The following MESP1 variants were observed in gnomAD, a reference collection of about 807,000 sequenced individuals.
MESP1 encodes the protein mesoderm posterior protein 1.
A neutral mutation model predicts 15.2 loss-of-function variants in MESP1; 22 were observed. The ratio of observed to expected loss-of-function variants is 1.45; its 90% CI spans 1.04 to 2.07. The LOEUF (loss-of-function observed/expected upper bound fraction) is 2.07, where lower values mean the gene tolerates loss of function less well. MESP1 is among the 30% of genes most tolerant of loss of function. The pLI, the probability that MESP1 is intolerant of heterozygous loss-of-function variation, is 0.00. For synonymous variants in MESP1, 216 were observed against 192.6 expected (o/e 1.12, Z -1.01); for missense variants, 484 against 411.9 (o/e 1.17, Z -1.51).
chr15:89,745,052 G>A (rs1391547302), downstream of MESP1, among the ~76,000 whole-genome samples: 1 of 152,198 alleles, frequency 6.6e-6, no homozygotes, highest in African/African-American at 2.4e-5. The surrounding 1 kb of genome is among the most constrained non-coding windows in gnomAD (Gnocchi z 4.8). Context: ...AAGGGGAAGA[G>A]CTCTCTGGGG....
At chr15:89,735,084 G>A in the MESP1 span, among the ~76,000 whole-genome samples, 2 of 144,338 alleles carry the variant, frequency 1.4e-5, no homozygotes, top group South Asian at 4.5e-4. Flanking sequence ...GTCTCACTCT[G>A]TAGCCCAGGC....
At chr15:89,739,084 C>A in the MESP1 span, among the ~76,000 whole-genome samples, 8 of 150,682 alleles carry the variant, frequency 5.3e-5, no homozygotes, top group Non-Finnish European at 8.8e-5. Context: ...CCATTGCACT[C>A]CAGCCTGGGT....
At position 89,751,241 on chromosome 15, in the gene MESP1, G is replaced by T; in HGVS notation, c.-10C>A. On this transcript the variant is annotated 5_prime_UTR_variant, in exon 1 of 2. Transcript: ENST00000300057. ...ACAGGGGCTGGGCCATGGCAGCGGC[G>T]GCGCGTCTGGGGGCCGGCGGCCGGC... 1 of 1,234,028 alleles carries T rather than the reference G, an allele frequency of 8.1e-7. No individual in the cohort carries two copies. The highest frequency in any genetic ancestry group is 1.0e-6 in the Non-Finnish European group (1 of 989,456). The allele number at this position is 1,234,028 out of a possible 1,614,324, so 76.4% of individuals were successfully genotyped here. A position where few individuals can be genotyped will look rare whatever the true frequency, so the allele number is the denominator to read the frequency against.
At chr15:89,745,004 G>C (rs903339197), downstream of MESP1, among the ~76,000 whole-genome samples, 7 of 152,198 alleles carry the variant, frequency 4.6e-5, no homozygotes, top group African/African-American at 1.2e-4. The surrounding 1 kb of genome is among the most constrained non-coding windows in gnomAD (Gnocchi z 4.8). Context: ...TCCCTGGAGG[G>C]AGGGAGAGGT....
the MESP1 span, chr15:89,735,567 G>A: frequency 6.2e-7 from 1 of 1,613,250 alleles, no homozygotes; most frequent in Non-Finnish European, 8.5e-7. Flanking sequence ...GGTTCCCCAT[G>A]CCTCTCTGTA....
At chr15:89,749,855 A>C, downstream of MESP1, 2 of 365,348 alleles carry the variant, frequency 5.5e-6, no homozygotes, top group Non-Finnish European at 1.0e-5. Context: ...GTCCACGGGT[A>C]GGAAGAAGAA....
At chr15:89,747,440 A>G (rs534825690), downstream of MESP1, among the ~76,000 whole-genome samples, 1 of 152,318 alleles carries the variant, frequency 6.6e-6, no homozygotes, top group South Asian at 2.1e-4. Context: ...AGAGCCCCAG[A>G]AGAGGAGGGC....
the MESP1 span, among the ~76,000 whole-genome samples, chr15:89,738,948 C>T: frequency 6.6e-6 from 1 of 151,938 alleles, no homozygotes; most frequent in Non-Finnish European, 1.5e-5. Flanking sequence ...AACCCCATCT[C>T]TACAAAAAAC....
At chr15:89,738,181 G>A in the MESP1 span, 9 of 1,614,092 alleles carry the variant, frequency 5.6e-6, no homozygotes, top group Admixed American at 6.7e-5. Context: ...GGATAACATG[G>A]CCTTCCCCCA....
chr15:89,737,792 C>T, the MESP1 span: 3 of 1,594,920 alleles, frequency 1.9e-6, no homozygotes, highest in Admixed American at 3.4e-5. Context: ...CTCTCACAAA[C>T]AGAGAGAGCC....
At chr15:89,744,832 C>G in the MESP1 span, among the ~76,000 whole-genome samples, 1 of 152,202 alleles carries the variant, frequency 6.6e-6, no homozygotes, top group Non-Finnish European at 1.5e-5. Context: ...CTAATTCCCC[C>G]TTCAGGCAGG....
the MESP1 span, among the ~76,000 whole-genome samples, chr15:89,740,199 CAAG>C: frequency 1.3e-5 from 2 of 152,174 alleles, no homozygotes; most frequent in Non-Finnish European, 2.9e-5. Flanking sequence ...CCTGCTAATC[CAAG>C]TTCATGCCTG....
chr15:89,740,499 T>C, the MESP1 span, among the ~76,000 whole-genome samples: 1 of 151,460 alleles, frequency 6.6e-6, no homozygotes, highest in African/African-American at 2.5e-5. Flanking sequence ...TTTTTGTTTT[T>C]TGTTTTTGTT....
the MESP1 span, among the ~76,000 whole-genome samples, chr15:89,732,844 T>C: frequency 6.6e-6 from 1 of 152,174 alleles, no homozygotes; most frequent in African/African-American, 2.4e-5. Context: ...TTCTCTCCCA[T>C]TGGGCACTAG....
At chr15:89,744,639 T>C in the MESP1 span, among the ~76,000 whole-genome samples, 1 of 152,244 alleles carries the variant, frequency 6.6e-6, no homozygotes, top group Admixed American at 6.5e-5. Flanking sequence ...TAGAACAGCC[T>C]GTGTCCAGTC....
At chr15:89,739,595 G>T in the MESP1 span, among the ~76,000 whole-genome samples, 1 of 152,126 alleles carries the variant, frequency 6.6e-6, no homozygotes, top group Non-Finnish European at 1.5e-5. Flanking sequence ...CTGGGGATTT[G>T]CAAATCCTTG....
At chr15:89,733,011 C>T in the MESP1 span, 2 of 1,614,078 alleles carry the variant, frequency 1.2e-6, no homozygotes, top group Middle Eastern at 1.7e-4. Flanking sequence ...TCTAGGATTC[C>T]CTCTTGGGGT....
chr15:89,738,365 G>A, the MESP1 span: 28 of 1,141,190 alleles, frequency 2.5e-5, no homozygotes, highest in South Asian at 2.1e-4. Context: ...GGTGGCTCAC[G>A]CCTGTAATCC....
the MESP1 span, chr15:89,743,190 G>C: frequency 1.7e-6 from 2 of 1,143,980 alleles, no homozygotes; most frequent in Non-Finnish European, 2.6e-6. Flanking sequence ...TGTCCTCTTA[G>C]AGTTTCTCAT....
Sources: gnomAD v4.1 joint callset for allele counts (sites outside exome capture counted in the v4.1 genomes callset) on GRCh38, gnomAD v4.1.1 for gene constraint, Gnocchi (gnomAD v3.1) non-coding constraint, MANE v1.5 for transcripts, NCBI Gene and HGNC (gene_info 2026-07-23, HGNC 2026-07-21) for gene names.